Variants in ADAMTSL1 observed in about 807,000 individuals in gnomAD.
The protein encoded by ADAMTSL1 is ADAMTS-like protein 1.
Under a neutral mutation model 201.8 loss-of-function variants are expected in ADAMTSL1, and 126 were observed. That is an observed-to-expected ratio of 0.62 (90% CI 0.54 to 0.72). ADAMTSL1 has a LOEUF of 0.72. ADAMTSL1 is among the 30% of genes least tolerant of loss of function. The pLI is 0.00. For missense variants in ADAMTSL1, 2,679 were observed against 2,277.8 expected (o/e 1.18, Z -3.59); for synonymous variants, 1,121 against 903.4 (o/e 1.24, Z -4.32).
At chr9:18,286,025 T>C (rs1440297374) in intron 2 of ADAMTSL1, among the ~76,000 whole-genome samples, 1 of 151,580 alleles carries the variant, frequency 6.6e-6, no homozygotes, top group African/African-American at 2.4e-5. Context: ...TCTATGCAAC[T>C]GGTTACTTTC....
At chr9:18,451,758 C>T (rs141841812) in intron 2 of ADAMTSL1, among the ~76,000 whole-genome samples, 13 of 152,262 alleles carry the variant, frequency 8.5e-5, no homozygotes, top group Admixed American at 3.3e-4. Flanking sequence ...CTACAGGCTA[C>T]GTAATTTACA....
chr9:18,094,754 G>C (rs1187721864), intron 1 of ADAMTSL1, among the ~76,000 whole-genome samples: 3 of 150,736 alleles, frequency 2.0e-5, no homozygotes, highest in Admixed American at 2.0e-4. Context: ...TTTTTGTAGA[G>C]ACAGGGTTTC....
intron 1 of ADAMTSL1, among the ~76,000 whole-genome samples, chr9:18,102,566 G>C (rs750728914): frequency 2.3e-4 from 35 of 152,148 alleles, no homozygotes; most frequent in Non-Finnish European, 5.1e-4. Flanking sequence ...AAAATGTCTT[G>C]GATGATGAAT....
intron 1 of ADAMTSL1, among the ~76,000 whole-genome samples, chr9:18,125,856 A>G (rs1825708691): frequency 6.6e-6 from 1 of 152,206 alleles, no homozygotes; most frequent in Admixed American, 6.5e-5. Context: ...ACGGACTCTG[A>G]CAACAGGACT....
chr9:18,723,300 G>A (rs1466409175), intron 15 of ADAMTSL1: 1 of 572,848 alleles, frequency 1.7e-6, no homozygotes, highest in Non-Finnish European at 3.1e-6. Flanking sequence ...CTGCTTATTT[G>A]CCATTATTTG....
intron 4 of ADAMTSL1, among the ~76,000 whole-genome samples, chr9:18,596,886 C>G (rs1432232467): frequency 6.6e-6 from 1 of 152,216 alleles, no homozygotes; most frequent in Non-Finnish European, 1.5e-5. Context: ...TCTAGGGTCA[C>G]TTTCTTTCTC....
chr9:18,315,892 C>G (rs1456128731), intron 2 of ADAMTSL1, among the ~76,000 whole-genome samples: 1 of 152,136 alleles, frequency 6.6e-6, no homozygotes, highest in Non-Finnish European at 1.5e-5. Context: ...TCTCTCTGAT[C>G]TAGCAATCCT....
intron 2 of ADAMTSL1, among the ~76,000 whole-genome samples, chr9:18,336,174 G>A (rs1418740366): frequency 3.9e-5 from 6 of 152,170 alleles, no homozygotes; most frequent in Admixed American, 2.6e-4. Flanking sequence ...TTGTGTTCCC[G>A]GTAGATGGAC....
chr9:18,548,378 G>A lies in ADAMTSL1; in HGVS notation c.237+15086G>A, dbSNP rs373732164. 1.6e-4 allele frequency among the ~76,000 whole-genome samples: 24 copies of A among 152,050 alleles called. No homozygotes were observed. In the South Asian group the frequency reaches 2.7e-3, roughly 17 times the overall value. On this transcript the variant is annotated intron_variant, in intron 3 of 28. Coordinates refer to ENST00000380548, the MANE Select transcript of ADAMTSL1 (RefSeq NM_001040272.6). ...TGATTTCATTGTTTAAAATGGCCCC[G>A]AAGCATATGCTGAAGCACTGTCTAG... is the stretch of plus-strand genomic sequence containing the variant.
chr9:17,961,768 C>T (rs1490683316), intron 1 of ADAMTSL1, among the ~76,000 whole-genome samples: 2 of 152,146 alleles, frequency 1.3e-5, no homozygotes, highest in Non-Finnish European at 2.9e-5. Flanking sequence ...GCCTGTGGCC[C>T]TTTAATTTGA....
intron 1 of ADAMTSL1, among the ~76,000 whole-genome samples, chr9:17,923,482 C>G (rs1003196718): frequency 1.3e-5 from 2 of 151,756 alleles, no homozygotes; most frequent in African/African-American, 4.8e-5. Flanking sequence ...GATTTTTGTA[C>G]ATTGATTTTG....
rs143604450 is a variant in ADAMTSL1 at position 18,280,364 on chromosome 9, G to A, written c.207+116383G>A. ...TGGCACTGGGGTAGGCCTGGAACCT[G>A]GAGCTATCCATGTAAATTTTAATCA... On this transcript the variant is annotated intron_variant, in intron 2 of 29. Coordinates refer to the ADAMTSL1 transcript ENST00000680146. Among the ~76,000 whole-genome samples, 755 of 151,586 alleles carry A rather than the reference G, an allele frequency of 5.0e-3. 7 individuals are homozygous for A. The highest frequency in any genetic ancestry group is 0.018 in the African/African-American group (725 of 41,298).
chr9:18,699,513 A>G (rs1021774306), intron 13 of ADAMTSL1, among the ~76,000 whole-genome samples: 6 of 151,900 alleles, frequency 3.9e-5, no homozygotes, highest in Admixed American at 2.0e-4. Flanking sequence ...TATTATTGGT[A>G]GACATGGGGT....
At chr9:18,744,793 A>T (rs1249144290) in intron 15 of ADAMTSL1, among the ~76,000 whole-genome samples, 1 of 152,198 alleles carries the variant, frequency 6.6e-6, no homozygotes, top group Non-Finnish European at 1.5e-5. Context: ...ATTATGCCTC[A>T]ATATCTGGGG....
intron 16 of ADAMTSL1, among the ~76,000 whole-genome samples, chr9:18,760,250 T>C (rs1253173199): frequency 6.6e-6 from 1 of 152,156 alleles, no homozygotes; most frequent in Non-Finnish European, 1.5e-5. Context: ...CCATCTTCTA[T>C]ATCTCCCCCA....
chr9:18,439,447 A>T (rs1003796964), intron 2 of ADAMTSL1, among the ~76,000 whole-genome samples: 18 of 152,146 alleles, frequency 1.2e-4, no homozygotes, highest in Admixed American at 1.3e-4. Context: ...TCTCACTGCA[A>T]TCTCTACCTC....
Position 18,905,777 on chromosome 9 carries a change from T to C in ADAMTSL1, c.4852-5T>C. On this transcript the variant is annotated splice_polypyrimidine_tract_variant and splice_region_variant and intron_variant, in intron 26 of 28. Transcript: ENST00000380548. ...TGCGGTATGTTACCTTTTTCTGCTT[T>C]CCAGTGCAATGGGCCTTGCATCGGG... The C allele has an allele frequency of 1.9e-6, 3 of 1,611,084 alleles. No homozygotes were observed. Among genetic ancestry groups the C allele is most frequent in the Non-Finnish European group, 2.5e-6 (3 of 1,178,486 alleles).
intron 4 of ADAMTSL1, among the ~76,000 whole-genome samples, chr9:18,584,823 C>T (rs1484674804): frequency 6.6e-6 from 1 of 152,106 alleles, no homozygotes; most frequent in Non-Finnish European, 1.5e-5. Context: ...AAAGATGGAT[C>T]CATGGATGAT....
chr9:18,776,549 A>T (rs1262108012), intron 18 of ADAMTSL1, among the ~76,000 whole-genome samples: 1 of 152,126 alleles, frequency 6.6e-6, no homozygotes, highest in African/African-American at 2.4e-5. Context: ...TGGCAGCTTG[A>T]TGGTCCACAG....
Sources: allele counts gnomAD v4.1 joint callset (sites outside exome capture counted in the v4.1 genomes callset), GRCh38; gene constraint gnomAD v4.1.1; transcripts MANE v1.5; gene names NCBI Gene and HGNC (gene_info 2026-07-23, HGNC 2026-07-21).